PPP1R42: variants seen among roughly 807,000 people sequenced by gnomAD.
The protein encoded by PPP1R42 is leucine rich repeat containing 67.
Under a neutral mutation model 31.0 loss-of-function variants are expected in PPP1R42, and 34 were observed. That is an observed-to-expected ratio of 1.10 (90% CI 0.83 to 1.46). PPP1R42 has a LOEUF of 1.46. Among genes scored for constraint, PPP1R42 ranks in the 40% most tolerant of loss-of-function variants. The pLI, the probability that PPP1R42 is intolerant of heterozygous loss-of-function variation, is 0.00. For missense variants in PPP1R42, 268 were observed against 303.0 expected, an observed-to-expected ratio of 0.88 and a Z score of 0.86; for synonymous variants, 103 against 109.8, an observed-to-expected ratio of 0.94 and a Z score of 0.39.
intron 5 of PPP1R42, among the ~76,000 whole-genome samples, chr8:67,000,577 C>T (rs562166174): frequency 1.2e-4 from 19 of 152,144 alleles, no homozygotes; most frequent in African/African-American, 4.6e-4. Flanking sequence ...CCCAACTCAG[C>T]CTCCTGAGTA....
rs1221778978 is a variant in PPP1R42, at chr8:66,982,190, AATAC to A, written c.671-14_671-11del. 2 of 1,327,136 alleles carry A rather than the reference AATAC, an allele frequency of 1.5e-6. No individual in the cohort carries two copies. Among genetic ancestry groups the A allele is most frequent in the East Asian group, 5.3e-5 (2 of 37,538 alleles). The allele number at this position is 1,327,136 out of a possible 1,614,324, so 82.2% of individuals were successfully genotyped here. A position where few individuals can be genotyped will look rare whatever the true frequency, so the allele number is the denominator to read the frequency against. ...TTTCCATCAAGAAATTCTGGAGAAAAATACATACATTTAAAAAATACAATATATA... is the reference window on the plus strand; with the variant it reads ...TTTCCATCAAGAAATTCTGGAGAAAAATACATTTAAAAAATACAATATATA... On this transcript the variant is annotated splice_polypyrimidine_tract_variant and intron_variant, in intron 6 of 7. Coordinates refer to ENST00000685739, the MANE Select transcript of PPP1R42 (RefSeq NM_001364910.1).
chr8:67,014,740 A>C (rs1450204279), intron 2 of PPP1R42, 148 bp from the exon 3 acceptor site: 1 of 522,502 alleles, frequency 1.9e-6, no homozygotes, highest in Non-Finnish European at 3.3e-6. Flanking sequence ...GCACAGTTAA[A>C]ACAAGACTAG....
intron 5 of PPP1R42, among the ~76,000 whole-genome samples, chr8:67,007,787 T>A (rs1815729559): frequency 6.6e-6 from 1 of 152,170 alleles, no homozygotes; most frequent in African/African-American, 2.4e-5. Context: ...TAGGTTATCA[T>A]ATCTACTGTG....
At chr8:67,022,772 G>C (rs1816263039) in intron 1 of PPP1R42, among the ~76,000 whole-genome samples, 1 of 151,886 alleles carries the variant, frequency 6.6e-6, no homozygotes, top group African/African-American at 2.4e-5. Context: ...TCTCTTCTAT[G>C]GTTCTTTTCT....
intron 6 of PPP1R42, chr8:66,984,178 T>C: frequency 6.3e-7 from 1 of 1,587,972 alleles, no homozygotes; most frequent in Non-Finnish European, 8.6e-7. Flanking sequence ...AAGGTCCCAG[T>C]AATGTTCAGC....
At chr8:66,972,613 C>T (rs1814567221) in intron 7 of PPP1R42, among the ~76,000 whole-genome samples, 1 of 152,160 alleles carries the variant, frequency 6.6e-6, no homozygotes, top group Admixed American at 6.6e-5. Flanking sequence ...TGGTCGTGAA[C>T]TCCTGACCTC....
chr8:66,972,426 G>A (rs925245608), intron 7 of PPP1R42, among the ~76,000 whole-genome samples: 1 of 151,950 alleles, frequency 6.6e-6, no homozygotes, highest in Non-Finnish European at 1.5e-5. Flanking sequence ...GTGTCATCTT[G>A]TCACCCAGGC....
In PPP1R42 at chr8:66,995,212, C is replaced by T. The variant is rs374132233; in HGVS notation, c.553-6695G>A. ...TGCCCAGGAATACATAACAGAAAAACGAGTTAATATTCTGATGCTAGGCTT... is the reference window on the plus strand; with the variant it reads ...TGCCCAGGAATACATAACAGAAAAATGAGTTAATATTCTGATGCTAGGCTT... On this transcript the variant is annotated intron_variant, in intron 5 of 7. Transcript: ENST00000685739. 1.7e-3 allele frequency among the ~76,000 whole-genome samples: 254 copies of T among 152,228 alleles called. 1 individual carries two copies. The highest frequency in any genetic ancestry group is 5.3e-3 in the African/African-American group (220 of 41,536).
In PPP1R42 at chr8:66,966,943, CT is replaced by C. The variant is rs1265101741; in HGVS notation, c.803-2610del. ...TGAGATCAGAAGTCACAAAAACTAG[CT>C]TGTTTTAACTAAAACTAGTCTGTTT... is the stretch of plus-strand genomic sequence containing the variant. On this transcript the variant is annotated intron_variant, in intron 7 of 7. Coordinates refer to ENST00000685739, the MANE Select transcript of PPP1R42 (RefSeq NM_001364910.1). Among the ~76,000 whole-genome samples, 4 of 152,104 alleles carry C rather than the reference CT, an allele frequency of 2.6e-5. No individual in the cohort carries two copies. In the East Asian group the frequency reaches 7.7e-4, roughly 29 times the overall value.
At chr8:66,974,849 C>T (rs944870312) in intron 7 of PPP1R42, among the ~76,000 whole-genome samples, 1 of 152,134 alleles carries the variant, frequency 6.6e-6, no homozygotes, top group African/African-American at 2.4e-5. Context: ...TCTCTATATG[C>T]CTGTCTTCTG....
At chr8:67,012,917 A>T (rs1170712101) in intron 4 of PPP1R42, 41 bp downstream of exon 4, 11 of 1,537,374 alleles carry the variant, frequency 7.2e-6, no homozygotes, top group Non-Finnish European at 9.6e-6. Context: ...TAACTTGTTA[A>T]TCACTATATT....
rs1278309396 is a variant in PPP1R42 at position 66,988,527 on chromosome 8, G to C, written c.553-10C>G. 2.5e-6 allele frequency: 4 copies of C among 1,591,068 alleles called. No homozygotes were observed. The South Asian group carries it at 3.5e-5, about 14-fold the overall frequency. On this transcript the variant is annotated splice_polypyrimidine_tract_variant and intron_variant, in intron 5 of 7. Coordinates refer to ENST00000685739, the MANE Select transcript of PPP1R42 (RefSeq NM_001364910.1). ...GTAAAAACTCCAAATCCTATAATTA[G>C]AGAAGAAAAAGCAAAGCACAAGCAT...
At chr8:66,994,692 G>A (rs886316137) in intron 5 of PPP1R42, among the ~76,000 whole-genome samples, 42 of 152,096 alleles carry the variant, frequency 2.8e-4, no homozygotes, top group Non-Finnish European at 5.6e-4. Context: ...CTGCAATATT[G>A]ATTAACAGGA....
chr8:67,011,461 A>G (rs1014359499), intron 4 of PPP1R42, among the ~76,000 whole-genome samples: 2 of 152,224 alleles, frequency 1.3e-5, no homozygotes. Flanking sequence ...TGGGAGGTGG[A>G]GGTTGCAGTG....
chr8:67,010,904 C>A, intron 4 of PPP1R42, 73 bp from the exon 5 acceptor site: 2 of 1,368,410 alleles, frequency 1.5e-6, no homozygotes, highest in Non-Finnish European at 1.9e-6. Flanking sequence ...AAATCCTAAT[C>A]TTTGAAAAGT....
chr8:66,970,418 G>C lies in PPP1R42; in HGVS notation c.803-6084C>G, dbSNP rs965507927. Among the ~76,000 whole-genome samples, 2 of 152,074 alleles carry C rather than the reference G, an allele frequency of 1.3e-5. 1 individual carries two copies. Among genetic ancestry groups the C allele is most frequent in the African/African-American group, 4.8e-5 (2 of 41,406 alleles). ...CCCAAAATGCTGAGATTATAGGCGTGAACCATTGTCCCCAGCTCTGGTTTA... is the reference window on the plus strand; with the variant it reads ...CCCAAAATGCTGAGATTATAGGCGTCAACCATTGTCCCCAGCTCTGGTTTA... On this transcript the variant is annotated intron_variant, in intron 7 of 7. Coordinates refer to ENST00000685739, the MANE Select transcript of PPP1R42 (RefSeq NM_001364910.1).
chr8:66,966,110 T>G (rs1814374004), intron 7 of PPP1R42, among the ~76,000 whole-genome samples: 1 of 152,204 alleles, frequency 6.6e-6, no homozygotes, highest in South Asian at 2.1e-4. Flanking sequence ...AGTTAAATAT[T>G]TAAAAATCAG....
chr8:67,003,826 C>T (rs1198426319), intron 5 of PPP1R42, among the ~76,000 whole-genome samples: 3 of 152,084 alleles, frequency 2.0e-5, no homozygotes, highest in African/African-American at 4.8e-5. Context: ...TGCGGTGGCT[C>T]ACGCCTGTAA....
chr8:67,014,152 A>G (rs954916331), intron 3 of PPP1R42, among the ~76,000 whole-genome samples: 4 of 152,210 alleles, frequency 2.6e-5, no homozygotes, highest in African/African-American at 9.6e-5. Flanking sequence ...TGAAAAGTAT[A>G]TCAGGCTTAA....
Sources: gnomAD v4.1 joint callset for allele counts (sites outside exome capture counted in the v4.1 genomes callset) on GRCh38, gnomAD v4.1.1 for gene constraint, MANE v1.5 for transcripts, NCBI Gene and HGNC (gene_info 2026-07-23, HGNC 2026-07-21) for gene names.